The following MEGF10 variants were observed in gnomAD, a reference collection of about 807,000 sequenced individuals.
The protein encoded by MEGF10 is multiple epidermal growth factor-like domains protein 10.
In MEGF10, 86 loss-of-function variants were observed where a neutral mutation model predicts 147.5. The ratio of observed to expected loss-of-function variants is 0.58; its 90% CI spans 0.49 to 0.70. The LOEUF (loss-of-function observed/expected upper bound fraction) is 0.70, where lower values mean the gene tolerates loss of function less well. Ranked by LOEUF, MEGF10 falls within the 30% of genes least tolerant of loss-of-function variation. The pLI is 0.00. For missense variants in MEGF10, 1,329 were observed against 1,487.3 expected, an observed-to-expected ratio of 0.89 and a Z score of 1.75; for synonymous variants, 478 against 525.5, an observed-to-expected ratio of 0.91 and a Z score of 1.24.
the MEGF10 span, among the ~76,000 whole-genome samples, chr5:127,253,433 G>C: frequency 6.6e-6 from 1 of 151,866 alleles, no homozygotes; most frequent in South Asian, 2.1e-4. Flanking sequence ...GATTATTAAA[G>C]CTGTGTTTAA....
intron 13 of MEGF10, among the ~76,000 whole-genome samples, chr5:127,431,143 T>A (rs147484119): frequency 1.5e-3 from 225 of 152,264 alleles, no homozygotes; most frequent in Admixed American, 2.9e-3. Context: ...TATACAAACA[T>A]TACCAGGATA....
chr5:127,280,617 C>A, the MEGF10 span, among the ~76,000 whole-genome samples: 1 of 152,262 alleles, frequency 6.6e-6, no homozygotes, highest in South Asian at 2.1e-4. Flanking sequence ...AGGGCTACTA[C>A]ATACACGCGT....
At chr5:127,286,360 C>A (rs1229676900), upstream of MEGF10, among the ~76,000 whole-genome samples, 2 of 151,892 alleles carry the variant, frequency 1.3e-5, no homozygotes, top group African/African-American at 4.8e-5. Context: ...GTGATGAATA[C>A]CCGAGATGCT....
the MEGF10 span, among the ~76,000 whole-genome samples, chr5:127,257,422 G>C: frequency 6.6e-6 from 1 of 151,946 alleles, no homozygotes; most frequent in Admixed American, 6.6e-5. Context: ...GAAGGTCAGA[G>C]AGACTGGTTC....
chr5:127,357,337 C>T (rs1447535398), intron 4 of MEGF10, among the ~76,000 whole-genome samples: 1 of 152,040 alleles, frequency 6.6e-6, no homozygotes, highest in Admixed American at 6.5e-5. Flanking sequence ...AATAAATATG[C>T]ATATAAAGTG....
the MEGF10 span, among the ~76,000 whole-genome samples, chr5:127,247,328 A>C: frequency 3.8e-4 from 1 of 2,642 alleles, no homozygotes; most frequent in Admixed American, 6.6e-3. Context: ...GAGAAGAAGA[A>C]GAAGAAGAAG....
intron 1 of MEGF10, among the ~76,000 whole-genome samples, chr5:127,320,829 G>A (rs1760760060): frequency 6.6e-6 from 1 of 152,226 alleles, no homozygotes; most frequent in East Asian, 1.9e-4. Context: ...TGGTCACTCT[G>A]CTTCCTGGTC....
At chr5:127,389,254 T>C (rs1763553645) in intron 5 of MEGF10, among the ~76,000 whole-genome samples, 1 of 152,244 alleles carries the variant, frequency 6.6e-6, no homozygotes, top group Middle Eastern at 3.2e-3. Flanking sequence ...TCAGAATGGT[T>C]ACTATTAAAA....
At chr5:127,421,082 A>G (rs1416670972) in intron 12 of MEGF10, among the ~76,000 whole-genome samples, 1 of 152,216 alleles carries the variant, frequency 6.6e-6, no homozygotes, top group South Asian at 2.1e-4. Flanking sequence ...CCATGGACAG[A>G]GCTGTCAGCT....
chr5:127,249,985 C>T, the MEGF10 span, among the ~76,000 whole-genome samples: 2 of 152,058 alleles, frequency 1.3e-5, no homozygotes, highest in African/African-American at 4.8e-5. Context: ...AGCGTTGATT[C>T]ATTTATGAGG....
In MEGF10 at chr5:127,396,265, A is replaced by G. The variant is rs76602283; in HGVS notation, c.413-267A>G. ...TCAAACTCCACACTCTGGATGCAGA[A>G]CACAGTCTGAGTAAAGGCATGGAGA... On this transcript the variant is annotated intron_variant, in intron 5 of 24. Coordinates refer to ENST00000503335, the MANE Select transcript of MEGF10 (RefSeq NM_001256545.2). Among the ~76,000 whole-genome samples, 779 of 152,326 alleles carry G rather than the reference A, an allele frequency of 5.1e-3. 7 individuals carry two copies. Among genetic ancestry groups the G allele is most frequent in the African/African-American group, 0.017 (716 of 41,584 alleles).
chr5:127,429,783 TTTTC>T (rs1765334441), intron 13 of MEGF10, among the ~76,000 whole-genome samples: 1 of 152,104 alleles, frequency 6.6e-6, no homozygotes, highest in Non-Finnish European at 1.5e-5. Context: ...ACCTGACAGG[TTTTC>T]TTTCTTCCCA....
chr5:127,268,998 C>A, the MEGF10 span, among the ~76,000 whole-genome samples: 1 of 152,214 alleles, frequency 6.6e-6, no homozygotes, highest in Non-Finnish European at 1.5e-5. Flanking sequence ...GGCCCTCCAG[C>A]ACACTCCAAC....
At chr5:127,440,628 C>G in intron 17 of MEGF10, 111 bp from the exon 18 acceptor site, 1 of 1,139,220 alleles carries the variant, frequency 8.8e-7, no homozygotes, top group Non-Finnish European at 1.3e-6. Flanking sequence ...ACTGTATTCT[C>G]TGATGGCTCA....
chr5:127,455,823 T>C (rs990478809), intron 24 of MEGF10, among the ~76,000 whole-genome samples: 2 of 152,062 alleles, frequency 1.3e-5, no homozygotes, highest in Non-Finnish European at 2.9e-5. Flanking sequence ...CACTGCAACC[T>C]CTACCTCCCG....
chr5:127,235,095 C>T, the MEGF10 span, among the ~76,000 whole-genome samples: 1 of 152,226 alleles, frequency 6.6e-6, no homozygotes, highest in South Asian at 2.1e-4. Flanking sequence ...ATCCACCCGC[C>T]TTGGCCTCCC....
Position 127,461,082 on chromosome 5 carries a change from GCAAA to G in MEGF10, c.*3773_*3776del, listed in dbSNP as rs1473330718. 6.6e-6 allele frequency: 1 copy of G among 152,054 alleles called. No individual in the cohort carries two copies. The highest frequency in any genetic ancestry group is 1.5e-5 in the Non-Finnish European group (1 of 68,002). The allele number at this position is 152,054 out of a possible 1,614,324, so 9.4% of individuals were successfully genotyped here. On this transcript the variant is annotated 3_prime_UTR_variant, in exon 25 of 25. Coordinates refer to ENST00000503335, the MANE Select transcript of MEGF10 (RefSeq NM_001256545.2). ...ATACATTAGGGTTTACTTGGTTGTG[GCAAA>G]CAAACAAAAAATGCTTTCAGTGTTG... is the stretch of plus-strand genomic sequence containing the variant.
intron 19 of MEGF10, among the ~76,000 whole-genome samples, 182 bp downstream of exon 19, chr5:127,443,308 A>C (rs1016623159): frequency 6.6e-6 from 1 of 151,988 alleles, no homozygotes; most frequent in African/African-American, 2.4e-5. Context: ...GCAGATAAAG[A>C]AACAAAAGCT....
chr5:127,263,404 A>G, the MEGF10 span, among the ~76,000 whole-genome samples: 2 of 152,128 alleles, frequency 1.3e-5, no homozygotes, highest in African/African-American at 4.8e-5. Flanking sequence ...CTAAGCAGGT[A>G]TTAGAGGGTA....
Sources: allele counts gnomAD v4.1 joint callset (sites outside exome capture counted in the v4.1 genomes callset), GRCh38; gene constraint gnomAD v4.1.1; transcripts MANE v1.5; gene names NCBI Gene and HGNC (gene_info 2026-07-23, HGNC 2026-07-21).